The following NUP214 variants were observed in gnomAD, a reference collection of about 807,000 sequenced individuals.
NUP214 encodes nuclear pore complex protein Nup214.
A neutral mutation model predicts 196.2 loss-of-function variants in NUP214; 79 were observed. The ratio of observed to expected loss-of-function variants is 0.40; its 90% CI spans 0.34 to 0.49. The LOEUF (loss-of-function observed/expected upper bound fraction) is 0.49. Among genes scored for constraint, NUP214 ranks in the 20% least tolerant of loss-of-function variants. The pLI is 0.58. For synonymous variants in NUP214, 1,020 were observed against 990.5 expected (o/e 1.03, Z -0.56); for missense variants, 2,468 against 2,539.0 (o/e 0.97, Z 0.60).
chr9:131,201,038 T>G (rs566266316), intron 29 of NUP214, among the ~76,000 whole-genome samples: 1 of 150,826 alleles, frequency 6.6e-6, no homozygotes, highest in East Asian at 1.9e-4. Flanking sequence ...GAACTTACAC[T>G]ATTTTAAAAT....
At chr9:131,230,549 T>TA in intron 33 of NUP214, 81 bp from the exon 34 acceptor site, 13 of 1,552,426 alleles carry the variant, frequency 8.4e-6, no homozygotes, top group Non-Finnish European at 1.1e-5. Context: ...TATTGGGACT[T>TA]ACAGCAGGGG....
intron 25 of NUP214, among the ~76,000 whole-genome samples, chr9:131,188,549 G>A (rs1833517780): frequency 6.6e-6 from 1 of 152,202 alleles, no homozygotes; most frequent in African/African-American, 2.4e-5. Flanking sequence ...TGGCATTTAA[G>A]CATTTAGCAT....
At chr9:131,182,903 T>A (rs1460590101) in intron 24 of NUP214, among the ~76,000 whole-genome samples, 1 of 152,242 alleles carries the variant, frequency 6.6e-6, no homozygotes, top group Non-Finnish European at 1.5e-5. Flanking sequence ...CATTAGGGTT[T>A]ATAGTATACA....
At chr9:131,180,355 A>ACCCCT (rs1050074204) in intron 24 of NUP214, among the ~76,000 whole-genome samples, 17 of 152,218 alleles carry the variant, frequency 1.1e-4, no homozygotes, top group African/African-American at 3.9e-4. Flanking sequence ...GTTTACTGCC[A>ACCCCT]CCCCTCCCCA....
At chr9:131,163,530 C>G (rs566678245) in intron 19 of NUP214, among the ~76,000 whole-genome samples, 1 of 152,254 alleles carries the variant, frequency 6.6e-6, no homozygotes, top group East Asian at 1.9e-4. Flanking sequence ...CCAGATTTGC[C>G]ATTCTGCTTG....
At chr9:131,174,431 ACT>A in intron 22 of NUP214, 113 bp downstream of exon 22, 2 of 666,236 alleles carry the variant, frequency 3.0e-6, no homozygotes, top group African/African-American at 2.2e-5. Context: ...GCTCCAGCCC[ACT>A]TTTTTTTTTT....
rs1245048369 is a variant in NUP214 at position 131,197,420 on chromosome 9, A to G, written c.3926A>G (p.Lys1309Arg). Residue 1309 changes from lysine to arginine, a missense_variant, in exon 29 of 36, where the codon AAG (lysine) becomes AGG (arginine). Coordinates refer to ENST00000359428, the MANE Select transcript of NUP214 (RefSeq NM_005085.4). ...ACTGCTCTTTCCACCACCTCTAGTAAGCTGGAAACCCCACCGTCCAAGCTG... is the reference window on the plus strand; with the variant it reads ...ACTGCTCTTTCCACCACCTCTAGTAGGCTGGAAACCCCACCGTCCAAGCTG... ...SGTALSTTSS[K>R]LETPPSKLGE... 1.2e-6 allele frequency: 2 copies of G among 1,613,964 alleles called. No homozygotes were observed. The highest frequency in any genetic ancestry group is 2.7e-5 in the African/African-American group (2 of 74,880).
chr9:131,221,284 C>G (rs1834548289), intron 31 of NUP214, among the ~76,000 whole-genome samples: 1 of 152,182 alleles, frequency 6.6e-6, no homozygotes, highest in Admixed American at 6.5e-5. Context: ...CCTGACATAC[C>G]TGACATGTGG....
In NUP214 at chr9:131,174,219, C is replaced by T. The variant is rs140330621; in HGVS notation, c.3058C>T (p.Arg1020Cys). 61 of 1,613,738 alleles carry T rather than the reference C, an allele frequency of 3.8e-5. No individual in the cohort carries two copies. The highest frequency in any genetic ancestry group is 4.7e-5 in the Non-Finnish European group (56 of 1,179,968). The change falls in exon 22 of 36, where the codon CGC becomes TGC. Residue 1020 changes from arginine (R) to cysteine (C), a missense_variant. Arg to Cys is a radical substitution (Grantham distance 180, BLOSUM62 -3). Around this residue, in one of 5 missense-constraint regions of NUP214, gnomAD observed 1,801 missense variants for 1,779.4 expected, o/e 1.01. Coordinates refer to ENST00000359428, the MANE Select transcript of NUP214 (RefSeq NM_005085.4). ...VQAPRHAPVVRTPSIQPSLLP... is the reference protein window; with the variant it reads ...VQAPRHAPVVCTPSIQPSLLP... ...GGCCCCTCGGCACGCCCCCGTGGTT[C>T]GCACTCCTTCCATCCAGCCCAGTCT...
intron 31 of NUP214, among the ~76,000 whole-genome samples, chr9:131,216,547 T>C (rs1347828907): frequency 1.2e-4 from 18 of 146,466 alleles, no homozygotes; most frequent in East Asian, 1.2e-3. Context: ...TTTTCCTTTT[T>C]TTTGAAACGG....
chr9:131,211,885 A>G (rs749803241), intron 30 of NUP214, among the ~76,000 whole-genome samples: 4 of 152,342 alleles, frequency 2.6e-5, no homozygotes, highest in African/African-American at 9.6e-5. Context: ...TGGGCATCCA[A>G]AAGGAACAGG....
At chr9:131,229,665 C>T (rs1166890431) in intron 33 of NUP214, 3 of 508,450 alleles carry the variant, frequency 5.9e-6, no homozygotes, top group Non-Finnish European at 1.2e-5. Context: ...TCTTCCAGGT[C>T]CCTGGCCATG....
intron 30 of NUP214, among the ~76,000 whole-genome samples, chr9:131,206,226 A>G (rs916115609): frequency 7.2e-6 from 1 of 138,406 alleles, no homozygotes; most frequent in African/African-American, 2.7e-5. Context: ...ACTCACTGCA[A>G]CCTTTGCCTC....
At chr9:131,218,701 T>G (rs1246034821) in intron 31 of NUP214, among the ~76,000 whole-genome samples, 1 of 152,150 alleles carries the variant, frequency 6.6e-6, no homozygotes, top group East Asian at 1.9e-4. Context: ...ACCCGAGTCT[T>G]AAGACTGCAT....
At chr9:131,188,943 T>C in intron 25 of NUP214, 110 bp from the exon 26 acceptor site, 2 of 786,400 alleles carry the variant, frequency 2.5e-6, no homozygotes, top group South Asian at 3.3e-5. Flanking sequence ...TAAAAGTATT[T>C]GTCCTTGCTT....
At chr9:131,171,820 T>TG (rs1832967865) in intron 21 of NUP214, among the ~76,000 whole-genome samples, 1 of 152,172 alleles carries the variant, frequency 6.6e-6, no homozygotes, top group Non-Finnish European at 1.5e-5. Context: ...TTTTTGTCCT[T>TG]GCAATATTTT....
chr9:131,201,549 G>A, intron 29 of NUP214, 98 bp from the exon 30 acceptor site: 2 of 903,578 alleles, frequency 2.2e-6, no homozygotes, highest in Non-Finnish European at 3.5e-6. Context: ...TGGTGACAGA[G>A]CGAGACTCTG....
chr9:131,159,769 A>G (rs530997312), intron 18 of NUP214, among the ~76,000 whole-genome samples: 1 of 152,210 alleles, frequency 6.6e-6, no homozygotes, highest in East Asian at 1.9e-4. Flanking sequence ...AGGCAGGAGA[A>G]TCGCTTGAAC....
intron 29 of NUP214, among the ~76,000 whole-genome samples, chr9:131,199,621 A>G (rs910381854): frequency 1.3e-5 from 2 of 152,176 alleles, no homozygotes; most frequent in East Asian, 3.8e-4. Flanking sequence ...ATTCTTCTCT[A>G]TTGCATTTTC....
Sources: allele counts gnomAD v4.1 joint callset (sites outside exome capture counted in the v4.1 genomes callset), GRCh38; gene constraint gnomAD v4.1.1; regional missense constraint gnomAD v4.1.1; transcripts MANE v1.5; gene names NCBI Gene and HGNC (gene_info 2026-07-23, HGNC 2026-07-21).